DDX46: variants seen among roughly 807,000 people sequenced by gnomAD.
DDX46 encodes the protein probable ATP-dependent RNA helicase DDX46.
A neutral mutation model predicts 134.9 loss-of-function variants in DDX46; 30 were observed. The observed-to-expected ratio is 0.22, with a 90% confidence interval of 0.17 to 0.30. The LOEUF is 0.30. DDX46 is among the 10% of genes least tolerant of loss of function. The pLI, the probability that DDX46 is intolerant of heterozygous loss-of-function variation, is 1.00. For synonymous variants in DDX46, 415 were observed against 404.1 expected (o/e 1.03, Z -0.32); for missense variants, 622 against 1,248.7 (o/e 0.50, Z 7.56).
chr5:134,785,626 T>C (rs1007525746), intron 11 of DDX46, 40 bp downstream of exon 11: 19 of 1,567,636 alleles, frequency 1.2e-5, no homozygotes, highest in Non-Finnish European at 1.6e-5. Context: ...CATTCTTTTC[T>C]CAAGTTGGAT....
At chr5:134,785,909 C>T (rs1286079923) in intron 11 of DDX46, among the ~76,000 whole-genome samples, 7 of 151,544 alleles carry the variant, frequency 4.6e-5, no homozygotes, top group East Asian at 1.9e-4. Context: ...AGTACAGTGG[C>T]GCGATCTCGG....
At chr5:134,786,569 G>T (rs1754342129) in intron 11 of DDX46, among the ~76,000 whole-genome samples, 1 of 152,138 alleles carries the variant, frequency 6.6e-6, no homozygotes, top group African/African-American at 2.4e-5. Flanking sequence ...TGGTGGCCAG[G>T]CACGGTGGCT....
At position 134,765,908 on chromosome 5, in the gene DDX46, A is replaced by G. The variant is rs146207929; in HGVS notation, c.207-1009A>G. Among the ~76,000 whole-genome samples, 1,019 of 152,318 alleles carry G rather than the reference A, an allele frequency of 6.7e-3. 4 individuals carry two copies. The highest frequency in any genetic ancestry group is 8.7e-3 in the Non-Finnish European group (590 of 68,032). On this transcript the variant is annotated intron_variant, in intron 2 of 22. Transcript: ENST00000452510. Reference sequence around the variant, plus strand: ...AATTAATTCAAGTACTTAAGTGAAAATGGTTATTTAACATTTGGTCTTTGA... The same window carrying G: ...AATTAATTCAAGTACTTAAGTGAAAGTGGTTATTTAACATTTGGTCTTTGA...
chr5:134,820,037 T>C (rs1755397986), intron 21 of DDX46, among the ~76,000 whole-genome samples: 1 of 152,102 alleles, frequency 6.6e-6, no homozygotes, highest in African/African-American at 2.4e-5. Context: ...TTCTCCTGCC[T>C]CAGCCTCCCA....
chr5:134,767,133 T>C (rs1753598223), intron 3 of DDX46, 73 bp downstream of exon 3: 2 of 1,489,214 alleles, frequency 1.3e-6, no homozygotes, highest in Non-Finnish European at 1.8e-6. Context: ...TTTTTTTTTT[T>C]TCCCTGTAAG....
chr5:134,763,512 G>A (rs986661633), intron 1 of DDX46, among the ~76,000 whole-genome samples: 4 of 152,138 alleles, frequency 2.6e-5, no homozygotes, highest in African/African-American at 9.7e-5. Context: ...AAAATTCCCT[G>A]TATATCTACA....
intron 13 of DDX46, among the ~76,000 whole-genome samples, chr5:134,791,521 G>C (rs1169308025): frequency 6.6e-6 from 1 of 151,140 alleles, no homozygotes; most frequent in Non-Finnish European, 1.5e-5. Context: ...AGATCACGCT[G>C]TTGCACTCCA....
chr5:134,813,245 A>G (rs1190498166), intron 18 of DDX46, among the ~76,000 whole-genome samples: 3 of 152,284 alleles, frequency 2.0e-5, no homozygotes, highest in East Asian at 3.9e-4. Flanking sequence ...GCCCGACCAC[A>G]TTTCATTTTT....
In DDX46 at chr5:134,758,915, A is replaced by G. The variant is rs1485378831; in HGVS notation, c.-24A>G. The G allele has an allele frequency of 6.2e-6, 10 of 1,613,478 alleles. No individual in the cohort carries two copies. Among genetic ancestry groups the G allele is most frequent in the African/African-American group, 2.7e-5 (2 of 74,890 alleles). On this transcript the variant is annotated 5_prime_UTR_variant, in exon 1 of 23. Coordinates refer to ENST00000452510, the MANE Select transcript of DDX46 (RefSeq NM_001300860.2). ...TCGCCTGTGCGTGGTACTCAAGGGC[A>G]CCAGTATTCCCGCGGTCGGCAGCAT... is the stretch of plus-strand genomic sequence containing the variant.
In DDX46 at chr5:134,773,436, T is replaced by G. The variant is rs867757287; in HGVS notation, c.448-260T>G. 5.3e-5 allele frequency among the ~76,000 whole-genome samples: 8 copies of G among 152,226 alleles called. 1 individual carries two copies. Among genetic ancestry groups the G allele is most frequent in the Non-Finnish European group, 7.3e-5 (5 of 68,042 alleles). ...ATAATGCTTGTAAGTAAAATGAGATTGATTTATAGTGTTTGAAATCTATCT... is the reference window on the plus strand; with the variant it reads ...ATAATGCTTGTAAGTAAAATGAGATGGATTTATAGTGTTTGAAATCTATCT... On this transcript the variant is annotated intron_variant, in intron 4 of 22. Transcript: ENST00000452510.
intron 12 of DDX46, chr5:134,790,192 G>C: frequency 1.8e-6 from 1 of 549,308 alleles, no homozygotes; most frequent in Admixed American, 2.2e-5. Flanking sequence ...GCTGTTTTCT[G>C]AATTTTACAG....
At chr5:134,785,337 A>T (rs1479007233) in intron 10 of DDX46, 128 bp from the exon 11 acceptor site, 3 of 1,128,374 alleles carry the variant, frequency 2.7e-6, no homozygotes, top group Admixed American at 3.1e-5. Context: ...AATAGTTTTC[A>T]GGGATGCATA....
rs57945635 is a variant in DDX46, at chr5:134,829,929, A to AAAATAAATAAATAAATAAAT, written c.*1229_*1248dup. 0.01 allele frequency: 1,516 copies of AAAATAAATAAATAAATAAAT among 149,034 alleles called. 36 individuals are homozygous for AAAATAAATAAATAAATAAAT. Among genetic ancestry groups the AAAATAAATAAATAAATAAAT allele is most frequent in the African/African-American group, 0.031 (1,228 of 39,944 alleles). The allele number at this position is 149,034 out of a possible 1,614,324, so 9.2% of individuals were successfully genotyped here. ...TGGGCGACAGAGTGAGACTATCTCA[A>AAAATAAATAAATAAATAAAT]AAATAAATAAATAAATAAATAAATA... is the stretch of plus-strand genomic sequence containing the variant. On this transcript the variant is annotated 3_prime_UTR_variant, in exon 23 of 23. Transcript: ENST00000452510.
chr5:134,759,770 A>G (rs1416841432), intron 1 of DDX46, among the ~76,000 whole-genome samples: 2 of 152,258 alleles, frequency 1.3e-5, no homozygotes, highest in Admixed American at 1.3e-4. Flanking sequence ...ACGTAAGGGT[A>G]AAGCTTGATG....
At chr5:134,767,890 C>T (rs1753627204) in intron 3 of DDX46, among the ~76,000 whole-genome samples, 1 of 149,932 alleles carries the variant, frequency 6.7e-6, no homozygotes, top group South Asian at 2.1e-4. Context: ...GCAGAGGTTG[C>T]GGTGAGGTGA....
chr5:134,782,528 T>G (rs1754186904), intron 8 of DDX46, among the ~76,000 whole-genome samples: 1 of 151,988 alleles, frequency 6.6e-6, no homozygotes, highest in East Asian at 1.9e-4. Context: ...GTTTTTTTTT[T>G]GAGACAGGGT....
In DDX46 at chr5:134,795,311, T is replaced by G. The variant is rs892721827; in HGVS notation, c.1791+297T>G. Among the ~76,000 whole-genome samples the G allele has an allele frequency of 2.6e-5, 4 of 151,704 alleles. No individual in the cohort carries two copies. In the East Asian group the frequency reaches 7.7e-4, roughly 29 times the overall value. ...GGCTGTAGTGCACTATGCCTATCTT[T>G]GTCCATGCTAAGTTCAGCATCAGTG... On this transcript the variant is annotated intron_variant, in intron 14 of 22. Transcript: ENST00000452510.
chr5:134,795,897 A>G, intron 14 of DDX46, 91 bp from the exon 15 acceptor site: 1 of 1,147,040 alleles, frequency 8.7e-7, no homozygotes, highest in South Asian at 1.5e-5. Context: ...AGATATTGTC[A>G]TTCATTCACT....
At chr5:134,824,170 G>C (rs1192485184) in intron 21 of DDX46, among the ~76,000 whole-genome samples, 1 of 152,080 alleles carries the variant, frequency 6.6e-6, no homozygotes, top group Non-Finnish European at 1.5e-5. Flanking sequence ...ATCCAGAATG[G>C]TTCTGGTCAT....
Sources: allele counts gnomAD v4.1 joint callset (sites outside exome capture counted in the v4.1 genomes callset), GRCh38; gene constraint gnomAD v4.1.1; transcripts MANE v1.5; gene names NCBI Gene and HGNC (gene_info 2026-07-23, HGNC 2026-07-21).